SIN3B: variants seen among roughly 807,000 people sequenced by gnomAD.
The protein encoded by SIN3B is SIN3 transcription regulator family member B.
SIN3B carries 19 observed loss-of-function variants against 120.2 expected under a neutral mutation model. The observed-to-expected ratio is 0.16, with a 90% CI of 0.11 to 0.23. The LOEUF (loss-of-function observed/expected upper bound fraction) is 0.23, where lower values mean the gene tolerates loss of function less well. SIN3B is among the 10% of genes least tolerant of loss of function. The pLI, the probability that SIN3B is intolerant of heterozygous loss-of-function variation, is 1.00. For missense variants in SIN3B, 1,073 were observed against 1,573.0 expected (o/e 0.68, Z 5.38); for synonymous variants, 654 against 653.2 (o/e 1.00, Z -0.02).
intron 5 of SIN3B, among the ~76,000 whole-genome samples, chr19:16,849,145 A>G (rs377719182): frequency 1.3e-5 from 2 of 152,258 alleles, no homozygotes; most frequent in Non-Finnish European, 2.9e-5. Context: ...TATAATCTTT[A>G]TGTTAACTTT....
Position 16,878,711 on chromosome 19 carries a change from G to T in SIN3B, c.3377G>T (p.Arg1126Leu), listed in dbSNP as rs775623591. The T allele has an allele frequency of 6.2e-7, 1 of 1,601,454 alleles. No individual in the cohort carries two copies. The highest frequency in any genetic ancestry group is 1.3e-5 in the African/African-American group (1 of 74,842). Residue 1126 changes from arginine to leucine, a missense_variant, in exon 19 of 19, where the codon CGC (arginine) becomes CTC (leucine). This residue lies in a region of SIN3B where 311 missense variants were observed against 400.3 expected (regional missense o/e 0.78). Coordinates refer to ENST00000248054, the MANE Select transcript of SIN3B (RefSeq NM_001297595.2). ...VTRYRVQYSR[R>L]PASP ...CGCTACCGCGTGCAGTACAGCCGCC[G>T]CCCGGCCTCGCCCTGACCCGCCCTC...
chr19:16,861,287 C>A (rs1599604927), intron 8 of SIN3B, among the ~76,000 whole-genome samples: 1 of 152,284 alleles, frequency 6.6e-6, no homozygotes, highest in Non-Finnish European at 1.5e-5. Context: ...CAGCCACAGG[C>A]AGTGCGTACA....
chr19:16,838,970 C>CTTTT (rs34648986), intron 3 of SIN3B, among the ~76,000 whole-genome samples: 4 of 86,588 alleles, frequency 4.6e-5, no homozygotes, highest in Non-Finnish European at 6.4e-5. Flanking sequence ...CCGCGCCTGG[C>CTTTT]TTTTTTTTTT....
Position 16,865,308 on chromosome 19 carries a change from C to A in SIN3B, c.1384-102C>A, listed in dbSNP as rs1318336964. 5 of 536,104 alleles carry A rather than the reference C, an allele frequency of 9.3e-6. 1 individual carries two copies. Among genetic ancestry groups the A allele is most frequent in the African/African-American group, 4.2e-5 (2 of 48,134 alleles). The allele number at this position is 536,104 out of a possible 1,614,324, so 33.2% of individuals were successfully genotyped here. ...GACCCTATCTCTTAAATACACACAC[C>A]CCCCCCCCAAAAAAATCCTCTGGTC... On this transcript the variant is annotated intron_variant, in intron 10 of 18. Transcript: ENST00000248054.
At chr19:16,832,332 G>A (rs886456265) in intron 3 of SIN3B, among the ~76,000 whole-genome samples, 2 of 151,466 alleles carry the variant, frequency 1.3e-5, no homozygotes, top group African/African-American at 4.9e-5. Context: ...CGAGTAGCTG[G>A]GATTACAGGT....
intron 4 of SIN3B, among the ~76,000 whole-genome samples, chr19:16,845,520 A>G (rs185223068): frequency 1.3e-4 from 20 of 152,052 alleles, no homozygotes; most frequent in Non-Finnish European, 2.6e-4. Context: ...TGATCCGCCT[A>G]CCTTGGCCTC....
Position 16,878,226 on chromosome 19 carries a change from CG to C in SIN3B, c.3001del (p.Ala1001ProfsTer37). On this transcript the variant is annotated frameshift_variant, in exon 18 of 19. Coordinates refer to ENST00000248054, the MANE Select transcript of SIN3B (RefSeq NM_001297595.2). LOFTEE classifies it high-confidence loss of function. ...CCGCCGGTGGCAGAGCGAGCAGGCG[CG>C]GGCCCTGCGCGGTGAGGCCAGGAGC... is the stretch of plus-strand genomic sequence containing the variant. ...FRRRWQSEQA[R>X]ALRGEARSSW... is the part of the protein sequence containing the mutation. 1.3e-6 allele frequency: 2 copies of C among 1,597,106 alleles called. No individual in the cohort carries two copies. Among genetic ancestry groups the C allele is most frequent in the South Asian group, 1.1e-5 (1 of 88,460 alleles).
chr19:16,854,169 G>A lies in SIN3B; in HGVS notation c.966G>A (p.Glu322=). 5 of 1,612,330 alleles carry A rather than the reference G, an allele frequency of 3.1e-6. No individual in the cohort carries two copies. The highest frequency in any genetic ancestry group is 4.2e-6 in the Non-Finnish European group (5 of 1,179,880). ...DKVRRVLKSQ[E]VYENFLRCIA... ...TCCGCCGGGTGCTGAAGAGCCAGGAGGTGTATGAAAACTTCCTCCGCTGCA... is the reference window on the plus strand; with the variant it reads ...TCCGCCGGGTGCTGAAGAGCCAGGAAGTGTATGAAAACTTCCTCCGCTGCA... Residue 322 remains glutamate, a synonymous_variant, in exon 8 of 19, where the codon GAG becomes GAA. Transcript: ENST00000248054.
At chr19:16,867,196 T>G (rs556772185) in intron 12 of SIN3B, among the ~76,000 whole-genome samples, 1 of 152,326 alleles carries the variant, frequency 6.6e-6, no homozygotes, top group South Asian at 2.1e-4. Context: ...GAAAGAGTAA[T>G]GCATCATCTG....
At chr19:16,868,272 G>A (rs1027697822) in intron 12 of SIN3B, among the ~76,000 whole-genome samples, 2 of 152,198 alleles carry the variant, frequency 1.3e-5, no homozygotes, top group Admixed American at 1.3e-4. Context: ...CCAGGTCAGT[G>A]TGCTTGGCCC....
At chr19:16,863,497 G>A (rs1971717632) in intron 9 of SIN3B, 183 bp from the exon 10 acceptor site, 1 of 594,750 alleles carries the variant, frequency 1.7e-6, no homozygotes, top group African/African-American at 1.8e-5. Context: ...TACCAAGGGA[G>A]TGTCCACTTG....
intron 14 of SIN3B, among the ~76,000 whole-genome samples, chr19:16,871,901 G>T (rs2051516628): frequency 1.3e-5 from 2 of 152,062 alleles, no homozygotes; most frequent in South Asian, 4.1e-4. Context: ...TGTCCCTGTT[G>T]ACAAACCTTT....
rs780557119 is a variant in SIN3B at position 16,878,222 on chromosome 19, G to A, written c.2994G>A (p.Gln998=). ...KKFRRRWQSE[Q]ARALRGEARS... ...TCCGCCGCCGGTGGCAGAGCGAGCA[G>A]GCGCGGGCCCTGCGCGGTGAGGCCA... The change falls in exon 18 of 19, where the codon CAG becomes CAA. Residue 998 remains glutamine (Q), a synonymous_variant. Coordinates refer to ENST00000248054, the MANE Select transcript of SIN3B (RefSeq NM_001297595.2). 1.3e-6 allele frequency: 2 copies of A among 1,596,072 alleles called. No individual in the cohort carries two copies. Among genetic ancestry groups the A allele is most frequent in the East Asian group, 2.3e-5 (1 of 44,088 alleles).
At chr19:16,863,875 C>G in intron 10 of SIN3B, 79 bp downstream of exon 10, 3 of 979,506 alleles carry the variant, frequency 3.1e-6, no homozygotes, top group Non-Finnish European at 4.9e-6. Context: ...TGATCCTCCT[C>G]CACTGCCCCA....
In SIN3B at chr19:16,878,550, C is replaced by T; in HGVS notation, c.3216C>T (p.Ser1072=). ...RHHQHFEEWH[S]RWLEDNVTVE... ...ACCAGCACTTTGAGGAGTGGCACAGCCGCTGGCTGGAGGACAATGTGACGG... is the reference window on the plus strand; with the variant it reads ...ACCAGCACTTTGAGGAGTGGCACAGTCGCTGGCTGGAGGACAATGTGACGG... The change falls in exon 19 of 19, where the codon AGC becomes AGT. Residue 1072 remains serine, a synonymous_variant. Transcript: ENST00000248054. 1 of 1,603,850 alleles carries T rather than the reference C, an allele frequency of 6.2e-7. No homozygotes were observed. The highest frequency in any genetic ancestry group is 8.5e-7 in the Non-Finnish European group (1 of 1,175,506).
intron 12 of SIN3B, among the ~76,000 whole-genome samples, chr19:16,867,936 C>T (rs1971801227): frequency 6.6e-6 from 1 of 152,204 alleles, no homozygotes; most frequent in Non-Finnish European, 1.5e-5. Context: ...ATGAAGTAGC[C>T]CTGGAAATCC....
chr19:16,850,436 T>G (rs112617968), intron 5 of SIN3B, among the ~76,000 whole-genome samples: 6 of 151,858 alleles, frequency 4.0e-5, no homozygotes, highest in African/African-American at 1.2e-4. Flanking sequence ...GTTTTTGGGG[T>G]TTTTCCTTGT....
chr19:16,877,186 A>C, intron 16 of SIN3B: 1 of 278,722 alleles, frequency 3.6e-6, no homozygotes, highest in South Asian at 5.4e-5. Flanking sequence ...TTCAAACAAC[A>C]GAAGTCTATT....
At chr19:16,840,757 C>T (rs76292264) in intron 3 of SIN3B, among the ~76,000 whole-genome samples, 5,663 of 152,322 alleles carry the variant, frequency 0.037, 142 homozygotes, top group Middle Eastern at 0.075. Flanking sequence ...CTGTTTCTCA[C>T]ACTGTTCTGG....
Sources: allele counts gnomAD v4.1 joint callset (sites outside exome capture counted in the v4.1 genomes callset), GRCh38; gene constraint gnomAD v4.1.1; regional missense constraint gnomAD v4.1.1; transcripts MANE v1.5; gene names NCBI Gene and HGNC (gene_info 2026-07-23, HGNC 2026-07-21).